NCAM1: variants seen among roughly 807,000 people sequenced by gnomAD.
NCAM1 encodes neural cell adhesion molecule 1.
Under a neutral mutation model 109.8 loss-of-function variants are expected in NCAM1, and 14 were observed. The observed-to-expected ratio is 0.13, with a 90% CI of 0.08 to 0.20. The LOEUF (loss-of-function observed/expected upper bound fraction) is 0.20, where lower values mean the gene tolerates loss of function less well. Among genes scored for constraint, NCAM1 ranks in the 10% least tolerant of loss-of-function variants. The pLI is 1.00. For synonymous variants in NCAM1, 418 were observed against 442.9 expected (o/e 0.94, Z 0.70); for missense variants, 774 against 1,109.9 (o/e 0.70, Z 4.30).
At chr11:112,977,256 A>T (rs1555067849) in intron 1 of NCAM1, 1 of 151,850 alleles carries the variant, frequency 6.6e-6, no homozygotes. Context: ...ATTTTCTATT[A>T]AAATAGTCTT....
intron 1 of NCAM1, among the ~76,000 whole-genome samples, chr11:113,032,171 G>T (rs948810168): frequency 1.3e-5 from 2 of 152,216 alleles, no homozygotes; most frequent in Middle Eastern, 3.4e-3. Context: ...GAACTCCTGG[G>T]CTGAAGTGAT....
At chr11:113,094,356 T>C (rs1411968953) in intron 1 of NCAM1, among the ~76,000 whole-genome samples, 2 of 152,174 alleles carry the variant, frequency 1.3e-5, no homozygotes, top group Non-Finnish European at 2.9e-5. Flanking sequence ...GTAGAGATGA[T>C]GGGTTTTGTG....
Position 113,116,525 on chromosome 11 carries a change from C to T in NCAM1, c.53-85854C>T, listed in dbSNP as rs188506446. 3.9e-4 allele frequency among the ~76,000 whole-genome samples: 59 copies of T among 152,300 alleles called. No homozygotes were observed. The East Asian group carries it at 7.9e-3, about 20-fold the overall frequency. ...TTTCAAGTGACTCCAAAATAAAATG[C>T]GTATTTGCATCAAACAACTGGAATC... On this transcript the variant is annotated intron_variant, in intron 1 of 19. Transcript: ENST00000316851.
chr11:113,011,029 G>A (rs1050189901), intron 1 of NCAM1, among the ~76,000 whole-genome samples: 2 of 150,944 alleles, frequency 1.3e-5, no homozygotes, highest in African/African-American at 4.9e-5. Flanking sequence ...AGTTACATAT[G>A]TATACATGTG....
At chr11:113,109,098 A>G (rs1940313517) in intron 1 of NCAM1, among the ~76,000 whole-genome samples, 1 of 149,576 alleles carries the variant, frequency 6.7e-6, no homozygotes, top group Non-Finnish European at 1.5e-5. Flanking sequence ...CTGTAATCCC[A>G]GCACTTTGGG....
intron 8 of NCAM1, among the ~76,000 whole-genome samples, chr11:113,216,458 A>G (rs530546881): frequency 1.3e-5 from 2 of 152,098 alleles, no homozygotes; most frequent in African/African-American, 4.8e-5. Context: ...GGCCGATTTC[A>G]TTTTTATAGA....
intron 1 of NCAM1, among the ~76,000 whole-genome samples, chr11:113,022,212 C>T (rs1952407879): frequency 6.6e-6 from 1 of 152,176 alleles, no homozygotes; most frequent in Non-Finnish European, 1.5e-5. Context: ...TTGGGGCACT[C>T]AGTCTAATTC....
At chr11:113,192,965 A>G (rs1943730154) in intron 1 of NCAM1, among the ~76,000 whole-genome samples, 1 of 152,080 alleles carries the variant, frequency 6.6e-6, no homozygotes, top group Non-Finnish European at 1.5e-5. Context: ...CAGACCCCCC[A>G]CACCCTTGGC....
intron 1 of NCAM1, among the ~76,000 whole-genome samples, chr11:113,171,801 A>G (rs573961252): frequency 1.0e-3 from 155 of 152,314 alleles, no homozygotes; most frequent in African/African-American, 3.6e-3. Context: ...CCAAATTCCT[A>G]TGTTGAAGTC....
At chr11:113,166,472 A>G (rs1942802996) in intron 1 of NCAM1, among the ~76,000 whole-genome samples, 1 of 152,204 alleles carries the variant, frequency 6.6e-6, no homozygotes, top group Non-Finnish European at 1.5e-5. Context: ...AGTCATTTTA[A>G]CCTTTCTCAG....
chr11:113,186,545 T>C (rs1943514013), intron 1 of NCAM1, among the ~76,000 whole-genome samples: 1 of 152,232 alleles, frequency 6.6e-6, no homozygotes, highest in Non-Finnish European at 1.5e-5. Flanking sequence ...AAGGAAGAAT[T>C]GACCTTTCTA....
intron 19 of NCAM1, among the ~76,000 whole-genome samples, chr11:113,272,329 G>C (rs1555125628): frequency 1.3e-5 from 2 of 152,066 alleles, no homozygotes; most frequent in African/African-American, 4.8e-5. Flanking sequence ...CGGAGCCCCA[G>C]ACCAGTTGTG....
chr11:113,085,004 T>C (rs1299651354), intron 1 of NCAM1, among the ~76,000 whole-genome samples: 2 of 152,216 alleles, frequency 1.3e-5, no homozygotes, highest in Admixed American at 1.3e-4. Context: ...TACAATAACT[T>C]GAACCAAATA....
Position 113,233,033 on chromosome 11 carries a change from T to C in NCAM1, c.1523-114T>C. ...GATGGGCCAGGAGGACAGGATACAG[T>C]GACAGGATTCCCAAGAGTGAGCAGA... On this transcript the variant is annotated intron_variant, in intron 12 of 19. Coordinates refer to ENST00000316851, the MANE Select transcript of NCAM1 (RefSeq NM_181351.5). The surrounding 1 kb of genome is among the most constrained non-coding windows in gnomAD (Gnocchi z 4.5). 8.7e-7 allele frequency: 1 copy of C among 1,150,830 alleles called. No homozygotes were observed. The highest frequency in any genetic ancestry group is 1.5e-5 in the South Asian group (1 of 66,178). The allele number at this position is 1,150,830 out of a possible 1,614,324, so 71.3% of individuals were successfully genotyped here.
At chr11:113,203,099 G>T (rs1253265676) in intron 2 of NCAM1, among the ~76,000 whole-genome samples, 6 of 152,182 alleles carry the variant, frequency 3.9e-5, no homozygotes, top group African/African-American at 1.2e-4. Context: ...TGGAGGAAAA[G>T]GTTTCAAATT....
At chr11:113,008,836 A>G (rs1951957849) in intron 1 of NCAM1, among the ~76,000 whole-genome samples, 1 of 152,070 alleles carries the variant, frequency 6.6e-6, no homozygotes, top group African/African-American at 2.4e-5. Flanking sequence ...TCTTCCTTAA[A>G]CTCTGGCATT....
chr11:113,168,750 G>A (rs1942890896), intron 1 of NCAM1, among the ~76,000 whole-genome samples: 1 of 152,158 alleles, frequency 6.6e-6, no homozygotes, highest in Non-Finnish European at 1.5e-5. Context: ...GAAACGCTGA[G>A]CTAATTATAT....
At chr11:113,155,627 C>A (rs2136305716) in intron 1 of NCAM1, among the ~76,000 whole-genome samples, 1 of 152,220 alleles carries the variant, frequency 6.6e-6, no homozygotes, top group Middle Eastern at 3.4e-3. Context: ...TTTGAGGCTG[C>A]TCCTGCACCC....
intron 1 of NCAM1, among the ~76,000 whole-genome samples, chr11:113,109,584 G>A (rs1940347261): frequency 6.6e-6 from 1 of 152,202 alleles, no homozygotes; most frequent in South Asian, 2.1e-4. Context: ...ACTGGGGACA[G>A]GGAGATTACA....
Sources: allele counts gnomAD v4.1 joint callset (sites outside exome capture counted in the v4.1 genomes callset), GRCh38; gene constraint gnomAD v4.1.1; non-coding constraint Gnocchi (gnomAD v3.1); transcripts MANE v1.5; gene names NCBI Gene and HGNC (gene_info 2026-07-23, HGNC 2026-07-21).